WDR4: variants seen among roughly 807,000 people sequenced by gnomAD.
WDR4 encodes the protein tRNA (guanine-N(7)-)-methyltransferase non-catalytic subunit WDR4.
A neutral mutation model predicts 48.6 loss-of-function variants in WDR4; 47 were observed. The ratio of observed to expected loss-of-function variants is 0.97; its 90% CI spans 0.77 to 1.23. WDR4 has a LOEUF of 1.23. Ranked by LOEUF, WDR4 falls within the 50% of genes most tolerant of loss-of-function variation. The probability of loss-of-function intolerance (pLI) is 0.00; values close to 1 mark genes in which losing one functional copy is unlikely to be tolerated. For missense variants in WDR4, 606 were observed against 551.6 expected, an observed-to-expected ratio of 1.10 and a Z score of -0.99; for synonymous variants, 268 against 230.0, an observed-to-expected ratio of 1.17 and a Z score of -1.49.
chr21:42,891,156 C>G, the WDR4 span, among the ~76,000 whole-genome samples: 5 of 152,074 alleles, frequency 3.3e-5, no homozygotes, highest in Non-Finnish European at 5.9e-5. Context: ...AACACTATCT[C>G]TACTAAAAAT....
intron 9 of WDR4, among the ~76,000 whole-genome samples, chr21:42,852,915 C>CAA (rs56058858): frequency 0.05 from 6,794 of 135,240 alleles, 571 homozygotes; most frequent in African/African-American, 0.17. Context: ...AACTCCGTCT[C>CAA]AAAAAAAAAA....
At chr21:42,888,052 C>A in the WDR4 span, among the ~76,000 whole-genome samples, 1 of 151,682 alleles carries the variant, frequency 6.6e-6, no homozygotes, top group Non-Finnish European at 1.5e-5. Context: ...CATGACATAC[C>A]ATTTTCTTAA....
At chr21:42,879,007 C>G in intron 1 of WDR4, 1 of 1,019,144 alleles carries the variant, frequency 9.8e-7, no homozygotes, top group Non-Finnish European at 1.2e-6. Flanking sequence ...AGACCCGAGA[C>G]CCGCTTCTTC....
At chr21:42,876,799 GT>G in intron 1 of WDR4, 32 bp from the exon 2 acceptor site, 1 of 1,586,994 alleles carries the variant, frequency 6.3e-7, no homozygotes, top group South Asian at 1.2e-5. Context: ...TTTAAAAGGA[GT>G]TATCATTAGA....
intron 7 of WDR4, 66 bp from the exon 8 acceptor site, chr21:42,854,692 C>A: frequency 1.3e-6 from 2 of 1,511,526 alleles, no homozygotes. Context: ...GCGCTCTGAT[C>A]CAACAAGAGC....
chr21:42,868,262 G>A (rs1039482992), intron 3 of WDR4, among the ~76,000 whole-genome samples: 3 of 152,182 alleles, frequency 2.0e-5, no homozygotes, highest in Non-Finnish European at 2.9e-5. Flanking sequence ...AGGACACAGC[G>A]GGCAGGCAGA....
At chr21:42,880,054 C>T (rs1219504037), upstream of WDR4, among the ~76,000 whole-genome samples, 6 of 151,446 alleles carry the variant, frequency 4.0e-5, no homozygotes, top group Non-Finnish European at 8.8e-5. Context: ...TGCCTGAACC[C>T]GGGAGGCGGA....
chr21:42,846,604 C>G (rs915035201), downstream of WDR4, among the ~76,000 whole-genome samples: 54 of 152,090 alleles, frequency 3.6e-4, no homozygotes, highest in Non-Finnish European at 6.0e-4. Context: ...TCCCAGCACT[C>G]TGGGAGGCCA....
chr21:42,881,827 G>A (rs997121921), upstream of WDR4, among the ~76,000 whole-genome samples: 13 of 151,462 alleles, frequency 8.6e-5, no homozygotes, highest in African/African-American at 2.7e-4. Flanking sequence ...TTTTTGAGGC[G>A]GAGTTTCACT....
chr21:42,854,204 T>G (rs1362205556), intron 8 of WDR4, among the ~76,000 whole-genome samples: 1 of 152,202 alleles, frequency 6.6e-6, no homozygotes, highest in African/African-American at 2.4e-5. Context: ...AAACCCACCT[T>G]GTCAGCACCG....
At chr21:42,847,338 G>C (rs754831051), downstream of WDR4, among the ~76,000 whole-genome samples, 3 of 152,198 alleles carry the variant, frequency 2.0e-5, no homozygotes, top group Non-Finnish European at 2.9e-5. Flanking sequence ...CCATGCAACT[G>C]TAAGAGGTAT....
rs751918320 is a variant in WDR4, at chr21:42,854,633, G to A, written c.727-7C>T. 5.6e-6 allele frequency: 9 copies of A among 1,613,096 alleles called. No homozygotes were observed. The highest frequency in any genetic ancestry group is 7.6e-6 in the Non-Finnish European group (9 of 1,179,726). ...TCCTGGACGCGGCAAACTTCTAAAA[G>A]GAGAAGAAGCCCATTAACTTCACGC... On this transcript the variant is annotated splice_region_variant and splice_polypyrimidine_tract_variant and intron_variant, in intron 7 of 10. Coordinates refer to ENST00000398208, the MANE Select transcript of WDR4 (RefSeq NM_018669.6).
chr21:42,876,322 T>G (rs554517982), intron 2 of WDR4, among the ~76,000 whole-genome samples: 2 of 151,434 alleles, frequency 1.3e-5, no homozygotes, highest in East Asian at 1.9e-4. Flanking sequence ...CAAGTGATTC[T>G]TGTGCCTCAG....
At position 42,863,445 on chromosome 21, in the gene WDR4, C is replaced by G. The variant is rs1269482435; in HGVS notation, c.448G>C (p.Asp150His). 5 of 1,611,524 alleles carry G rather than the reference C, an allele frequency of 3.1e-6. No homozygotes were observed. The South Asian group carries it at 3.3e-5, about 11-fold the overall frequency. The part of the protein sequence containing the change: ...LELGHLSMLL[D>H]VAVSPDDRFI... ...CTACCACGTCCCCCACCTACCACAT[C>G]TAACAGCATAGACAGGTGCCCCAGC... The change falls in exon 4 of 11, where the codon GAT (aspartate) becomes CAT (histidine). Residue 150 changes from aspartate to histidine, a missense_variant. Physicochemically the swap from Asp to His is moderately conservative, Grantham distance 81 (BLOSUM62 -1). Coordinates refer to ENST00000398208, the MANE Select transcript of WDR4 (RefSeq NM_018669.6).
At chr21:42,885,561 A>G in the WDR4 span, among the ~76,000 whole-genome samples, 2 of 152,042 alleles carry the variant, frequency 1.3e-5, no homozygotes, top group African/African-American at 4.8e-5. Flanking sequence ...GTGAGCTGAG[A>G]TCGCACCATT....
intron 5 of WDR4, among the ~76,000 whole-genome samples, chr21:42,860,880 C>T (rs8134583): frequency 0.18 from 27,705 of 152,112 alleles, 2,879 homozygotes; most frequent in African/African-American, 0.28. Context: ...TCAGACGCAG[C>T]GGGAGACGGC....
upstream of WDR4, among the ~76,000 whole-genome samples, chr21:42,881,029 C>T (rs1254696683): frequency 1.3e-5 from 2 of 151,962 alleles, no homozygotes; most frequent in African/African-American, 4.8e-5. Context: ...CCTCAGCCTC[C>T]TGAGTAGCTG....
At position 42,862,247 on chromosome 21, in the gene WDR4, T is replaced by G. The variant is rs370880755; in HGVS notation, c.566+35A>C. On this transcript the variant is annotated intron_variant, in intron 5 of 10. Transcript: ENST00000398208. The surrounding 1 kb of genome is among the most constrained non-coding windows in gnomAD (Gnocchi z 4.3). ...AGCTGACGCTGTTTTCAAACAGACCTTCTTTCTGCTGGAGGGGCAGGAAGG... is the reference window on the plus strand; with the variant it reads ...AGCTGACGCTGTTTTCAAACAGACCGTCTTTCTGCTGGAGGGGCAGGAAGG... 1.9e-6 allele frequency: 3 copies of G among 1,553,580 alleles called. No homozygotes were observed. In the African/African-American group the frequency reaches 4.1e-5, roughly 21 times the overall value.
chr21:42,862,313 T>C lies in WDR4; in HGVS notation c.535A>G (p.Ser179Gly), dbSNP rs757388535. ...IRVSWAAAPH[S>G]IESFCLGHTE... ...TGCCCCAAGCAGAAGGACTCGATGC[T>C]ATGGGGCGCCGCGGCCCAGCTGACT... is the stretch of plus-strand genomic sequence containing the variant. Residue 179 changes from serine (S) to glycine (G), a missense_variant, in exon 5 of 11, where the codon AGC (serine) becomes GGC (glycine). By Grantham distance (56) the Ser-to-Gly change is moderately conservative. Coordinates refer to ENST00000398208, the MANE Select transcript of WDR4 (RefSeq NM_018669.6). This position sits in a 1 kb window ranked among gnomAD's most constrained non-coding sequence, Gnocchi z 4.3. 1 of 1,611,278 alleles carries C rather than the reference T, an allele frequency of 6.2e-7. No individual in the cohort carries two copies. The highest frequency in any genetic ancestry group is 1.7e-5 in the Admixed American group (1 of 59,786).
Sources: gnomAD v4.1 joint callset for allele counts (sites outside exome capture counted in the v4.1 genomes callset) on GRCh38, gnomAD v4.1.1 for gene constraint, Gnocchi (gnomAD v3.1) non-coding constraint, MANE v1.5 for transcripts, NCBI Gene and HGNC (gene_info 2026-07-23, HGNC 2026-07-21) for gene names.